Variants in GALNT13 observed in about 807,000 individuals in gnomAD.
The protein encoded by GALNT13 is UDP-GalNAc:polypeptide N-acetylgalactosaminyltransferase 13.
In GALNT13, 28 loss-of-function variants were observed where a neutral mutation model predicts 64.2. The observed-to-expected ratio is 0.44, with a 90% CI of 0.32 to 0.60. The LOEUF is 0.60. Among genes scored for constraint, GALNT13 ranks in the 20% least tolerant of loss-of-function variants. The pLI is 0.05. For synonymous variants in GALNT13, 214 were observed against 224.6 expected, an observed-to-expected ratio of 0.95 and a Z score of 0.42; for missense variants, 577 against 669.8, an observed-to-expected ratio of 0.86 and a Z score of 1.53.
intron 7 of GALNT13, among the ~76,000 whole-genome samples, chr2:154,250,848 A>T (rs991577170): frequency 6.6e-6 from 1 of 152,090 alleles, no homozygotes; most frequent in South Asian, 2.1e-4. Context: ...AAACACTTCT[A>T]TAAAATAAAA....
the GALNT13 span, among the ~76,000 whole-genome samples, chr2:153,783,875 T>A: frequency 6.6e-6 from 1 of 152,196 alleles, no homozygotes; most frequent in South Asian, 2.1e-4. Flanking sequence ...CATGCTGAAC[T>A]GTGAGTCAAT....
At chr2:153,766,642 G>A in the GALNT13 span, among the ~76,000 whole-genome samples, 1 of 151,900 alleles carries the variant, frequency 6.6e-6, no homozygotes, top group East Asian at 1.9e-4. Context: ...GCCTGTTGAA[G>A]CTTTCTATTG....
In GALNT13 at chr2:154,221,735, A is replaced by G. The variant is rs573437344; in HGVS notation, c.312-20295A>G. 8.5e-5 allele frequency among the ~76,000 whole-genome samples: 13 copies of G among 152,254 alleles called. No homozygotes were observed. The South Asian group carries it at 1.0e-3, about 12-fold the overall frequency. On this transcript the variant is annotated intron_variant, in intron 4 of 12. Coordinates refer to ENST00000392825, the MANE Select transcript of GALNT13 (RefSeq NM_052917.4). ...TTACTCTTGAAATCTTCCTTCTGAC[A>G]TGGAAATTCTCTTTTAGAGCACAGC...
At chr2:154,071,360 T>C (rs1015852116) in intron 3 of GALNT13, among the ~76,000 whole-genome samples, 4 of 152,196 alleles carry the variant, frequency 2.6e-5, no homozygotes, top group African/African-American at 7.2e-5. Flanking sequence ...TGTTACAGCA[T>C]GTGTAACAAC....
the GALNT13 span, among the ~76,000 whole-genome samples, chr2:153,271,298 G>C: frequency 1.3e-5 from 2 of 152,052 alleles, no homozygotes; most frequent in Non-Finnish European, 2.9e-5. Context: ...GGAAATAAAG[G>C]GTATTCAAAC....
At chr2:153,702,748 T>A in the GALNT13 span, among the ~76,000 whole-genome samples, 1 of 152,146 alleles carries the variant, frequency 6.6e-6, no homozygotes, top group Non-Finnish European at 1.5e-5. Context: ...GTTTTAGACA[T>A]GCTAATTTTG....
the GALNT13 span, among the ~76,000 whole-genome samples, chr2:153,320,201 C>A: frequency 6.6e-6 from 1 of 152,112 alleles, no homozygotes; most frequent in Non-Finnish European, 1.5e-5. Flanking sequence ...CTTTTCTTTA[C>A]GTAGTTGTAT....
At chr2:153,916,229 C>T (rs568773343) in intron 2 of GALNT13, among the ~76,000 whole-genome samples, 1 of 150,634 alleles carries the variant, frequency 6.6e-6, no homozygotes, top group Admixed American at 6.6e-5. Flanking sequence ...ACAATCATAG[C>T]TCACTGCAGC....
At chr2:153,326,375 T>G in the GALNT13 span, among the ~76,000 whole-genome samples, 1 of 152,026 alleles carries the variant, frequency 6.6e-6, no homozygotes, top group Non-Finnish European at 1.5e-5. Flanking sequence ...TGAGCCTATG[T>G]GTGTCTTTGC....
At chr2:153,160,523 C>T in the GALNT13 span, among the ~76,000 whole-genome samples, 5 of 152,110 alleles carry the variant, frequency 3.3e-5, no homozygotes, top group Non-Finnish European at 7.4e-5. Context: ...AGCATTCATG[C>T]AACTTTCTTT....
chr2:154,145,220 C>T (rs1005590384), intron 4 of GALNT13, among the ~76,000 whole-genome samples: 2 of 150,452 alleles, frequency 1.3e-5, no homozygotes, highest in Admixed American at 6.6e-5. Context: ...CTCCTTTGCC[C>T]ATTCCCCCAC....
At chr2:154,178,258 G>A (rs941593853) in intron 4 of GALNT13, among the ~76,000 whole-genome samples, 51 of 152,052 alleles carry the variant, frequency 3.4e-4, no homozygotes, top group African/African-American at 9.9e-4. Flanking sequence ...ATTGTTTCTG[G>A]TTACTTTTTC....
intron 1 of GALNT13, among the ~76,000 whole-genome samples, chr2:153,881,833 G>A (rs965754864): frequency 5.3e-5 from 8 of 152,090 alleles, no homozygotes; most frequent in African/African-American, 1.7e-4. Flanking sequence ...ATTTTACCCT[G>A]TGTCCCTTAA....
intron 4 of GALNT13, among the ~76,000 whole-genome samples, chr2:154,160,118 T>G (rs909244712): frequency 3.9e-5 from 6 of 152,196 alleles, no homozygotes; most frequent in South Asian, 4.1e-4. Context: ...TTATCTGAGG[T>G]TTTTGGCCAT....
chr2:154,414,067 A>T (rs1699903559), intron 11 of GALNT13, among the ~76,000 whole-genome samples: 1 of 152,054 alleles, frequency 6.6e-6, no homozygotes, highest in South Asian at 2.1e-4. Flanking sequence ...AGTATTATAA[A>T]CCAAGCCTAT....
At chr2:153,546,922 T>C in the GALNT13 span, among the ~76,000 whole-genome samples, 514 of 152,340 alleles carry the variant, frequency 3.4e-3, no homozygotes, top group African/African-American at 0.011. Flanking sequence ...AGAGATGAGA[T>C]TATATAAATG....
intron 1 of GALNT13, among the ~76,000 whole-genome samples, chr2:153,886,178 GAA>G (rs199790267): frequency 2.3e-4 from 30 of 131,042 alleles, no homozygotes; most frequent in African/African-American, 5.5e-4. Flanking sequence ...ATTCTGAACT[GAA>G]AAAAAAAAAA....
the GALNT13 span, among the ~76,000 whole-genome samples, chr2:153,526,845 T>C: frequency 6.6e-6 from 1 of 151,714 alleles, no homozygotes; most frequent in Non-Finnish European, 1.5e-5. Flanking sequence ...AAAAAGAGAT[T>C]GAAATAATTA....
Position 154,089,293 on chromosome 2 carries a change from C to T in GALNT13, c.143-51044C>T, listed in dbSNP as rs1412035004. On this transcript the variant is annotated intron_variant, in intron 3 of 12. Transcript: ENST00000392825. ...CTCTCAGAGTGATACTTTGGCTTTA[C>T]GGGCAGGGTACTCGGTGGAGTGATA... Among the ~76,000 whole-genome samples, 6 of 152,048 alleles carry T rather than the reference C, an allele frequency of 3.9e-5. No individual in the cohort carries two copies. The East Asian group carries it at 7.8e-4, about 20-fold the overall frequency.
Sources: gnomAD v4.1 joint callset for allele counts (sites outside exome capture counted in the v4.1 genomes callset) on GRCh38, gnomAD v4.1.1 for gene constraint, MANE v1.5 for transcripts, NCBI Gene and HGNC (gene_info 2026-07-23, HGNC 2026-07-21) for gene names.